The following C13orf42 variants were observed in gnomAD, a reference collection of about 807,000 sequenced individuals.
The protein encoded by C13orf42 is chromosome 13 open reading frame 42.
intron 1 of C13orf42, among the ~76,000 whole-genome samples, chr13:51,095,853 T>A (rs1301478585): frequency 1.3e-5 from 2 of 152,202 alleles, no homozygotes; most frequent in African/African-American, 4.8e-5. Context: ...CATATCTGAG[T>A]CTGGTTCTAT....
chr13:51,169,352 CAG>C (rs1315250702), intron 1 of C13orf42, among the ~76,000 whole-genome samples: 2 of 152,176 alleles, frequency 1.3e-5, no homozygotes, highest in East Asian at 3.8e-4. Context: ...CAGGAGCAAA[CAG>C]ATGATCTGAA....
chr13:51,118,451 T>G (rs752222318), intron 1 of C13orf42, among the ~76,000 whole-genome samples: 1 of 152,150 alleles, frequency 6.6e-6, no homozygotes, highest in Non-Finnish European at 1.5e-5. Flanking sequence ...ACTGATTGCT[T>G]TGTGGGGCTC....
upstream of C13orf42, among the ~76,000 whole-genome samples, chr13:51,114,651 TAGACAGAC>T (rs59801187): frequency 0.034 from 4,821 of 142,438 alleles, 234 homozygotes; most frequent in African/African-American, 0.1. Flanking sequence ...TAGATAGAGA[TAGACAGAC>T]AGACAGACAG....
chr13:51,113,571 T>A (rs1953456023), upstream of C13orf42, among the ~76,000 whole-genome samples: 1 of 59,186 alleles, frequency 1.7e-5, no homozygotes, highest in African/African-American at 4.5e-5. Context: ...GTATTTTGTG[T>A]GTGTGTGTGT....
intron 1 of C13orf42, among the ~76,000 whole-genome samples, chr13:51,131,736 C>A (rs942643189): frequency 6.6e-6 from 1 of 152,074 alleles, no homozygotes; most frequent in Admixed American, 6.5e-5. Flanking sequence ...ATAATCAAGC[C>A]AAGTATAATA....
chr13:51,164,822 T>C (rs1953892146), intron 1 of C13orf42, among the ~76,000 whole-genome samples: 2 of 152,282 alleles, frequency 1.3e-5, no homozygotes, highest in South Asian at 4.1e-4. Context: ...CCAGAGCAAT[T>C]GAAAGAATGG....
chr13:51,109,241 G>A (rs1953397906), intron 1 of C13orf42, among the ~76,000 whole-genome samples: 1 of 152,222 alleles, frequency 6.6e-6, no homozygotes, highest in Non-Finnish European at 1.5e-5. Flanking sequence ...CATGCAGACA[G>A]TTGAAACCAA....
intron 1 of C13orf42, among the ~76,000 whole-genome samples, chr13:51,095,358 C>A (rs1953221531): frequency 1.3e-5 from 2 of 151,972 alleles, no homozygotes; most frequent in Non-Finnish European, 2.9e-5. Flanking sequence ...CTTCTTAGAT[C>A]TGTGGTTTAG....
chr13:51,143,639 TTAAA>T (rs1355560540), intron 1 of C13orf42, among the ~76,000 whole-genome samples: 1 of 152,200 alleles, frequency 6.6e-6, no homozygotes, highest in Non-Finnish European at 1.5e-5. Context: ...ATCACTTTGG[TTAAA>T]TAAATGACTT....
rs191318419 is a variant in C13orf42, at chr13:51,155,230, A to T, written n.136+17023T>A. Among the ~76,000 whole-genome samples the T allele has an allele frequency of 1.2e-4, 18 of 152,356 alleles. No individual in the cohort carries two copies. In the East Asian group the frequency reaches 2.7e-3, roughly 23 times the overall value. ...CTAAACATTTAAAGATTGCAACTCAAAAAAACTACATTTTGGAAACTCCTT... is the reference window on the plus strand; with the variant it reads ...CTAAACATTTAAAGATTGCAACTCATAAAAACTACATTTTGGAAACTCCTT... On this transcript the variant is annotated intron_variant and non_coding_transcript_variant, in intron 1 of 4. Coordinates refer to the C13orf42 transcript ENST00000433280.
intron 1 of C13orf42, among the ~76,000 whole-genome samples, chr13:51,154,391 C>T (rs546645064): frequency 6.6e-6 from 1 of 151,038 alleles, no homozygotes; most frequent in East Asian, 1.9e-4. Context: ...TTTTTGAACA[C>T]ACATTTTCAT....
upstream of C13orf42, among the ~76,000 whole-genome samples, chr13:51,115,427 C>T (rs1488851784): frequency 1.3e-5 from 2 of 152,216 alleles, no homozygotes; most frequent in Non-Finnish European, 2.9e-5. Flanking sequence ...TCATTTTCCT[C>T]CCTACAGTTG....
intron 1 of C13orf42, among the ~76,000 whole-genome samples, chr13:51,169,566 G>A (rs1408424339): frequency 6.6e-6 from 1 of 152,198 alleles, no homozygotes; most frequent in Non-Finnish European, 1.5e-5. Context: ...TCCCATCCCA[G>A]GCCTGGAGGC....
chr13:51,121,479 T>C (rs1485311177), intron 1 of C13orf42, among the ~76,000 whole-genome samples: 1 of 152,112 alleles, frequency 6.6e-6, no homozygotes, highest in African/African-American at 2.4e-5. Context: ...TCCTTAAAAT[T>C]GTGCATTCAC....
chr13:51,160,706 A>C (rs1226319241), intron 1 of C13orf42, among the ~76,000 whole-genome samples: 1 of 152,328 alleles, frequency 6.6e-6, no homozygotes, highest in African/African-American at 2.4e-5. Context: ...GGTATAAAAT[A>C]AGTGGGAATA....
At chr13:51,091,713 C>T (rs1177330347) in intron 1 of C13orf42, among the ~76,000 whole-genome samples, 1 of 152,122 alleles carries the variant, frequency 6.6e-6, no homozygotes, top group Non-Finnish European at 1.5e-5. Context: ...TACAGGGACC[C>T]GAACATAGGG....
chr13:51,094,049 A>G (rs1324944311), intron 1 of C13orf42, among the ~76,000 whole-genome samples: 9 of 152,148 alleles, frequency 5.9e-5, no homozygotes, highest in Non-Finnish European at 1.3e-4. Flanking sequence ...TGATGCTCAC[A>G]CTGTCCTGCA....
chr13:51,113,031 G>A (rs574761865), upstream of C13orf42, among the ~76,000 whole-genome samples: 2 of 152,190 alleles, frequency 1.3e-5, no homozygotes, highest in Non-Finnish European at 2.9e-5. Context: ...TCAGTAGCTT[G>A]TGCCTGTGGG....
At chr13:51,117,154 C>T (rs1056236596) in intron 1 of C13orf42, among the ~76,000 whole-genome samples, 1 of 152,212 alleles carries the variant, frequency 6.6e-6, no homozygotes, top group African/African-American at 2.4e-5. Flanking sequence ...GTAAGGAGGA[C>T]GTCATTGGAC....
Sources: gnomAD v4.1 joint callset for allele counts (sites outside exome capture counted in the v4.1 genomes callset) on GRCh38, gnomAD v4.1.1 for gene constraint, MANE v1.5 for transcripts, NCBI Gene and HGNC (gene_info 2026-07-23, HGNC 2026-07-21) for gene names.